Variants in DNAAF9 observed in about 807,000 individuals in gnomAD.
The protein encoded by DNAAF9 is dynein axonemal assembly factor 9.
Under a neutral mutation model 167.0 loss-of-function variants are expected in DNAAF9, and 90 were observed. The ratio of observed to expected loss-of-function variants is 0.54; its 90% CI spans 0.45 to 0.64. The LOEUF is 0.64. DNAAF9 is among the 30% of genes least tolerant of loss of function. DNAAF9 has a pLI of 0.00. For missense variants in DNAAF9, 1,315 were observed against 1,442.2 expected (o/e 0.91, Z 1.43); for synonymous variants, 491 against 508.8 (o/e 0.96, Z 0.47).
chr20:3,330,621 G>C, intron 12 of DNAAF9, 25 bp downstream of exon 12: 1 of 1,513,448 alleles, frequency 6.6e-7, no homozygotes, highest in Non-Finnish European at 9.2e-7. Context: ...CTTTGAGAAA[G>C]AAAAAATAAA....
intron 1 of DNAAF9, among the ~76,000 whole-genome samples, chr20:3,397,830 G>T (rs559784171): frequency 6.6e-6 from 1 of 152,138 alleles, no homozygotes; most frequent in African/African-American, 2.4e-5. Flanking sequence ...TAGTACTGTT[G>T]TTTTACCATG....
chr20:3,339,328 GC>G (rs1241832220), intron 10 of DNAAF9, among the ~76,000 whole-genome samples: 2 of 152,070 alleles, frequency 1.3e-5, no homozygotes, highest in African/African-American at 4.8e-5. Flanking sequence ...GTTTTTTCTT[GC>G]CTTTTAGCAT....
chr20:3,297,938 C>T, intron 22 of DNAAF9, 91 bp downstream of exon 22: 1 of 1,005,558 alleles, frequency 9.9e-7, no homozygotes, highest in South Asian at 1.4e-5. Flanking sequence ...CTCATCACTT[C>T]ACTGTTAGCC....
chr20:3,250,164 C>T lies in DNAAF9; in HGVS notation c.*2408G>A, dbSNP rs2068175535. 6.6e-6 allele frequency: 1 copy of T among 152,238 alleles called. No homozygotes were observed. Among genetic ancestry groups the T allele is most frequent in the Non-Finnish European group, 1.5e-5 (1 of 68,052 alleles). The allele number at this position is 152,238 out of a possible 1,614,324, so 9.4% of individuals were successfully genotyped here. A position where few individuals can be genotyped will look rare whatever the true frequency, so the allele number is the denominator to read the frequency against. On this transcript the variant is annotated 3_prime_UTR_variant, in exon 37 of 37. Coordinates refer to ENST00000252032, the MANE Select transcript of DNAAF9 (RefSeq NM_001009984.3). ...GCTCTTTGCTGGGTCCCTGGATCCA[C>T]TTCTAAGGTCAAAAGCAGTGTCATG... is the stretch of plus-strand genomic sequence containing the variant.
At chr20:3,309,477 T>C (rs1310506013) in intron 20 of DNAAF9, among the ~76,000 whole-genome samples, 1 of 152,198 alleles carries the variant, frequency 6.6e-6, no homozygotes, top group Admixed American at 6.5e-5. Context: ...AGACAATGTG[T>C]TATTTTCTTT....
intron 12 of DNAAF9, among the ~76,000 whole-genome samples, chr20:3,329,448 C>A (rs922256720): frequency 6.6e-6 from 1 of 152,184 alleles, no homozygotes; most frequent in Non-Finnish European, 1.5e-5. Context: ...TGAGCCACTG[C>A]GCTCAGTCCC....
intron 20 of DNAAF9, among the ~76,000 whole-genome samples, chr20:3,309,342 T>C (rs902417744): frequency 2.6e-5 from 4 of 152,178 alleles, no homozygotes; most frequent in Non-Finnish European, 5.9e-5. Flanking sequence ...AGTGTTATAA[T>C]TTTCTCAGCC....
intron 1 of DNAAF9, among the ~76,000 whole-genome samples, chr20:3,385,162 A>G (rs1334799271): frequency 6.6e-6 from 1 of 151,960 alleles, no homozygotes; most frequent in East Asian, 1.9e-4. Context: ...CAGGAAGAAG[A>G]TGAGCATGTC....
At chr20:3,302,020 G>A (rs966398692) in intron 21 of DNAAF9, among the ~76,000 whole-genome samples, 1 of 152,006 alleles carries the variant, frequency 6.6e-6, no homozygotes, top group Non-Finnish European at 1.5e-5. Flanking sequence ...TTGGCTCACT[G>A]CAACCTCCAC....
At chr20:3,300,572 C>T (rs1423088071) in intron 21 of DNAAF9, among the ~76,000 whole-genome samples, 5 of 151,476 alleles carry the variant, frequency 3.3e-5, no homozygotes, top group Middle Eastern at 3.2e-3. Flanking sequence ...CACTTCACCT[C>T]TCAAGTAGCT....
At chr20:3,295,598 G>C (rs1482847210) in intron 23 of DNAAF9, 2 of 400,090 alleles carry the variant, frequency 5.0e-6, no homozygotes, top group East Asian at 6.4e-5. Flanking sequence ...TCACAGGACT[G>C]GGGCAATCCA....
chr20:3,319,536 T>G (rs959416112), intron 16 of DNAAF9, among the ~76,000 whole-genome samples: 5 of 152,250 alleles, frequency 3.3e-5, no homozygotes, highest in African/African-American at 1.2e-4. Context: ...ATGGGATAAG[T>G]AGCACAAGGA....
chr20:3,288,127 T>A (rs567575415), intron 26 of DNAAF9, among the ~76,000 whole-genome samples: 42 of 152,338 alleles, frequency 2.8e-4, no homozygotes, highest in African/African-American at 8.9e-4. Context: ...AAAAGATGGC[T>A]TCAGTTAGTC....
intron 6 of DNAAF9, chr20:3,361,982 T>C: frequency 1.3e-6 from 2 of 1,532,794 alleles, no homozygotes; most frequent in African/African-American, 1.4e-5. Flanking sequence ...TGATGCTATA[T>C]GAATTCTGCC....
At chr20:3,341,491 T>C (rs1275105309) in intron 9 of DNAAF9, among the ~76,000 whole-genome samples, 1 of 152,192 alleles carries the variant, frequency 6.6e-6, no homozygotes, top group Non-Finnish European at 1.5e-5. Context: ...TGATGTTCCC[T>C]ATGTCTGCTC....
At chr20:3,303,557 T>C (rs2069231509) in intron 21 of DNAAF9, among the ~76,000 whole-genome samples, 1 of 152,226 alleles carries the variant, frequency 6.6e-6, no homozygotes, top group Non-Finnish European at 1.5e-5. Flanking sequence ...TTTAATCTAA[T>C]AGGGCCATCC....
At chr20:3,264,327 C>G in intron 31 of DNAAF9, 111 bp downstream of exon 31, 1 of 656,738 alleles carries the variant, frequency 1.5e-6, no homozygotes, top group African/African-American at 1.8e-5. Context: ...ATGTGTCACC[C>G]TTGCAAAGCA....
chr20:3,331,214 TA>T (rs1383598936), intron 11 of DNAAF9, among the ~76,000 whole-genome samples: 1 of 152,232 alleles, frequency 6.6e-6, no homozygotes, highest in Non-Finnish European at 1.5e-5. Flanking sequence ...GCAACACCAC[TA>T]AATACCAGAG....
At chr20:3,264,960 T>C (rs1027134895) in intron 30 of DNAAF9, among the ~76,000 whole-genome samples, 2 of 152,064 alleles carry the variant, frequency 1.3e-5, no homozygotes, top group African/African-American at 2.4e-5. Context: ...CAAATGAAAA[T>C]TAGCTGTACT....
Sources: gnomAD v4.1 joint callset for allele counts (sites outside exome capture counted in the v4.1 genomes callset) on GRCh38, gnomAD v4.1.1 for gene constraint, MANE v1.5 for transcripts, NCBI Gene and HGNC (gene_info 2026-07-23, HGNC 2026-07-21) for gene names.